The following EPS15 variants were observed in gnomAD, a reference collection of about 807,000 sequenced individuals.
EPS15 encodes epidermal growth factor receptor pathway substrate 15, also known as epidermal growth factor receptor substrate 15.
EPS15 carries 72 observed loss-of-function variants against 113.8 expected under a neutral mutation model. That is an observed-to-expected ratio of 0.63 (90% confidence interval 0.52 to 0.77). EPS15 has a LOEUF of 0.77. Among genes scored for constraint, EPS15 ranks in the 30% least tolerant of loss-of-function variants. The pLI, the probability that EPS15 is intolerant of heterozygous loss-of-function variation, is 0.00. For missense variants in EPS15, 1,048 were observed against 1,045.8 expected (o/e 1.00, Z -0.03); for synonymous variants, 344 against 363.4 (o/e 0.95, Z 0.61).
At chr1:51,396,722 T>C (rs115275418) in intron 20 of EPS15, among the ~76,000 whole-genome samples, 1 of 152,060 alleles carries the variant, frequency 6.6e-6, no homozygotes, top group Non-Finnish European at 1.5e-5. Context: ...GTGCAGCCCA[T>C]GAAGGAATAA....
At chr1:51,511,128 T>C (rs1385717448) in intron 1 of EPS15, among the ~76,000 whole-genome samples, 1 of 151,774 alleles carries the variant, frequency 6.6e-6, no homozygotes, top group African/African-American at 2.4e-5. Flanking sequence ...ATCACACCAC[T>C]GCACTCCAGC....
intron 1 of EPS15, among the ~76,000 whole-genome samples, chr1:51,508,807 A>G (rs1276856811): frequency 6.6e-6 from 1 of 152,222 alleles, no homozygotes; most frequent in Non-Finnish European, 1.5e-5. Context: ...AAGGAATCTC[A>G]TAAGAAAATT....
In EPS15 at chr1:51,471,001, G is replaced by A. The variant is rs576400557; in HGVS notation, c.213+689C>T. 8.5e-5 allele frequency among the ~76,000 whole-genome samples: 13 copies of A among 152,224 alleles called. No homozygotes were observed. In the East Asian group the frequency reaches 2.5e-3, roughly 29 times the overall value. On this transcript the variant is annotated intron_variant, in intron 4 of 24. Transcript: ENST00000371733. Reference sequence around the variant, plus strand: ...TGAACAGGGACTACAATCTAGCCCCGAAATCTTAATTAAAAGACTGGATAT... The same window carrying A: ...TGAACAGGGACTACAATCTAGCCCCAAAATCTTAATTAAAAGACTGGATAT...
intron 12 of EPS15, among the ~76,000 whole-genome samples, chr1:51,427,579 G>A (rs1010535221): frequency 2.0e-5 from 3 of 152,200 alleles, no homozygotes; most frequent in Non-Finnish European, 4.4e-5. Context: ...GACTCTCCCT[G>A]AAGGAGGTCA....
At chr1:51,466,056 AGTGAG>A (rs1654821713) in intron 5 of EPS15, among the ~76,000 whole-genome samples, 1 of 146,792 alleles carries the variant, frequency 6.8e-6, no homozygotes, top group South Asian at 2.3e-4. Flanking sequence ...GAAAAAAAGG[AGTGAG>A]GTGGGGAGGA....
chr1:51,400,999 G>A (rs756068933), intron 18 of EPS15, 46 bp from the exon 19 acceptor site: 6 of 1,263,366 alleles, frequency 4.7e-6, no homozygotes, highest in Non-Finnish European at 5.6e-6. Context: ...AATATTTACT[G>A]TGGTGACACC....
intron 8 of EPS15, among the ~76,000 whole-genome samples, chr1:51,459,686 T>C (rs1654285259): frequency 6.6e-6 from 1 of 152,100 alleles, no homozygotes; most frequent in Non-Finnish European, 1.5e-5. Flanking sequence ...TTTCTAGTTA[T>C]AATCCAATCA....
In EPS15 at chr1:51,354,601, CT is replaced by C; in HGVS notation, c.*2098del. 1 of 152,214 alleles carries C rather than the reference CT, an allele frequency of 6.6e-6. No homozygotes were observed. Among genetic ancestry groups the C allele is most frequent in the Non-Finnish European group, 1.4e-5 (1 of 69,812 alleles). 9.4% of individuals were successfully genotyped at this position (152,214 alleles called of 1,614,324 possible). A position where few individuals can be genotyped will look rare whatever the true frequency, so the allele number is the denominator to read the frequency against. ...TAGCTCTGGGCAATACTTATCTGTCCTTTTCAAGCACAGGCCCTGGAGCCAG... is the reference window on the plus strand; with the variant it reads ...TAGCTCTGGGCAATACTTATCTGTCCTTTCAAGCACAGGCCCTGGAGCCAG... On this transcript the variant is annotated 3_prime_UTR_variant, in exon 25 of 25. Coordinates refer to ENST00000371733, the MANE Select transcript of EPS15 (RefSeq NM_001981.3).
intron 9 of EPS15, 38 bp downstream of exon 9, chr1:51,448,008 G>A: frequency 6.2e-7 from 1 of 1,604,758 alleles, no homozygotes; most frequent in Non-Finnish European, 8.5e-7. Context: ...GGCTGATGCT[G>A]AAGAGGGGAT....
At chr1:51,368,499 A>T (rs1376889148) in intron 21 of EPS15, among the ~76,000 whole-genome samples, 2 of 152,112 alleles carry the variant, frequency 1.3e-5, no homozygotes, top group Non-Finnish European at 2.9e-5. Context: ...TCATTGATAC[A>T]TATCTGCTGA....
intron 12 of EPS15, among the ~76,000 whole-genome samples, chr1:51,431,609 C>T (rs1328790417): frequency 6.6e-6 from 1 of 152,012 alleles, no homozygotes; most frequent in African/African-American, 2.4e-5. Flanking sequence ...CCACGCCCGA[C>T]TAATTTTTGT....
intron 21 of EPS15, among the ~76,000 whole-genome samples, chr1:51,384,660 AACAAAGTTGGTAGTC>A (rs1267141794): frequency 6.6e-6 from 1 of 152,124 alleles, no homozygotes; most frequent in Non-Finnish European, 1.5e-5. Flanking sequence ...AAAAAGGAAC[AACAAAGTTGGTAGTC>A]AAACTTTCTG....
rs562496972 is a variant in EPS15 at position 51,429,434 on chromosome 1, A to G, written c.1041-7576T>C. Among the ~76,000 whole-genome samples the G allele has an allele frequency of 2.0e-5, 3 of 152,264 alleles. No individual in the cohort carries two copies. The South Asian group carries it at 6.2e-4, about 32-fold the overall frequency. ...AATTGTACACTTTAAGTAGTTAAAA[A>G]TTTAAAGTAGTAAATTTTATGTTAT... is the stretch of plus-strand genomic sequence containing the variant. On this transcript the variant is annotated intron_variant, in intron 12 of 24. Coordinates refer to ENST00000371733, the MANE Select transcript of EPS15 (RefSeq NM_001981.3).
intron 4 of EPS15, among the ~76,000 whole-genome samples, chr1:51,471,484 G>A (rs76203190): frequency 0.032 from 4,842 of 152,178 alleles, 124 homozygotes; most frequent in Non-Finnish European, 0.05. Flanking sequence ...TAAACTCCAG[G>A]AGAACAATGT....
At chr1:51,463,329 T>C (rs536691958) in intron 7 of EPS15, 4 of 164,776 alleles carry the variant, frequency 2.4e-5, no homozygotes, top group South Asian at 1.9e-4. Flanking sequence ...GACACCATGA[T>C]ACAGCCACAG....
intron 8 of EPS15, among the ~76,000 whole-genome samples, chr1:51,456,626 GT>G (rs879549375): frequency 4.6e-5 from 7 of 152,096 alleles, no homozygotes; most frequent in Non-Finnish European, 7.4e-5. Flanking sequence ...TCTTAGCTAC[GT>G]CACTACTGCA....
At chr1:51,372,706 C>A in intron 21 of EPS15, 1 of 406,466 alleles carries the variant, frequency 2.5e-6, no homozygotes, top group East Asian at 5.9e-5. Flanking sequence ...GATGGTGCTC[C>A]AACCTCAAAA....
chr1:51,451,442 G>A (rs1209905753), intron 8 of EPS15, among the ~76,000 whole-genome samples: 1 of 133,342 alleles, frequency 7.5e-6, no homozygotes, highest in African/African-American at 2.9e-5. Flanking sequence ...AATGACCTGA[G>A]ATTGTGCCAC....
At chr1:51,489,357 C>T (rs1399507392) in intron 1 of EPS15, among the ~76,000 whole-genome samples, 35 of 148,740 alleles carry the variant, frequency 2.4e-4, no homozygotes, top group African/African-American at 8.2e-4. Context: ...CGTCTCCCTC[C>T]GTCACCCAGG....
Sources: gnomAD v4.1 joint callset for allele counts (sites outside exome capture counted in the v4.1 genomes callset) on GRCh38, gnomAD v4.1.1 for gene constraint, MANE v1.5 for transcripts, NCBI Gene and HGNC (gene_info 2026-07-23, HGNC 2026-07-21) for gene names.